Variants in LYZL2 observed in about 807,000 individuals in gnomAD.
LYZL2 encodes the protein lysozyme like 2, also known as lysozyme-like protein 2.
LYZL2 carries 13 observed loss-of-function variants against 17.1 expected under a neutral mutation model. The observed-to-expected ratio is 0.76, with a 90% confidence interval of 0.49 to 1.21. The LOEUF (loss-of-function observed/expected upper bound fraction) is 1.21. LYZL2 is among the 50% of genes most tolerant of loss of function. The pLI, the probability that LYZL2 is intolerant of heterozygous loss-of-function variation, is 0.00. For synonymous variants in LYZL2, 63 were observed against 74.4 expected (o/e 0.85, Z 0.79); for missense variants, 166 against 189.2 (o/e 0.88, Z 0.72).
chr10:30,609,480 A>T (rs1413568900), downstream of LYZL2, among the ~76,000 whole-genome samples: 4 of 152,216 alleles, frequency 2.6e-5, no homozygotes, highest in Admixed American at 2.6e-4. Flanking sequence ...AAAATTGCAG[A>T]CCAGACCAGA....
At chr10:30,611,613 A>G (rs544729236), downstream of LYZL2, among the ~76,000 whole-genome samples, 6 of 139,432 alleles carry the variant, frequency 4.3e-5, no homozygotes, top group Admixed American at 7.1e-5. Context: ...GAAAGAAAGA[A>G]AGAGAAAGAA....
In LYZL2 at chr10:30,627,955, C is replaced by A. The variant is rs981485751; in HGVS notation, c.-25-1015G>T. Among the ~76,000 whole-genome samples the A allele has an allele frequency of 2.0e-5, 3 of 152,198 alleles. No homozygotes were observed. The South Asian group carries it at 6.2e-4, about 31-fold the overall frequency. ...CGGGCGGATCACGAGGTCAGGAGAT[C>A]AAGACCATCCTGGCTAATGCGGTGA... is the stretch of plus-strand genomic sequence containing the variant. On this transcript the variant is annotated intron_variant, in intron 1 of 4. Coordinates refer to ENST00000647634, the MANE Select transcript of LYZL2 (RefSeq NM_183058.3).
chr10:30,618,023 C>T (rs1345980778), intron 3 of LYZL2, among the ~76,000 whole-genome samples: 1 of 151,696 alleles, frequency 6.6e-6, no homozygotes, highest in Non-Finnish European at 1.5e-5. Flanking sequence ...CATTCTTATA[C>T]ACCAATAACA....
At chr10:30,612,493 C>T (rs181154976) in intron 4 of LYZL2, among the ~76,000 whole-genome samples, 2 of 152,358 alleles carry the variant, frequency 1.3e-5, no homozygotes, top group Admixed American at 1.3e-4. Context: ...CTAGAGCAAA[C>T]TCAAGCTTTT....
chr10:30,606,297 T>C, the LYZL2 span, among the ~76,000 whole-genome samples: 2 of 151,722 alleles, frequency 1.3e-5, no homozygotes, highest in African/African-American at 4.8e-5. Flanking sequence ...CTGTTAGAAA[T>C]CACCTGGTAC....
At chr10:30,617,624 G>A (rs868821380) in intron 3 of LYZL2, among the ~76,000 whole-genome samples, 68 of 123,936 alleles carry the variant, frequency 5.5e-4, no homozygotes, top group Non-Finnish European at 8.4e-4. Flanking sequence ...GCAGTGAGCC[G>A]AGATCGTGCC....
In LYZL2 at chr10:30,621,616, G is replaced by A. The variant is rs1588676723; in HGVS notation, c.298+4489C>T. Among the ~76,000 whole-genome samples the A allele has an allele frequency of 2.0e-5, 3 of 151,966 alleles. No homozygotes were observed. The South Asian group carries it at 6.2e-4, about 32-fold the overall frequency. The stretch of plus-strand genomic sequence containing the variant: ...AACAACAACAATAACAACTTGAGGT[G>A]GAAAAGAACTGTCAGCCCAGAATTT... On this transcript the variant is annotated intron_variant, in intron 3 of 4. Coordinates refer to ENST00000647634, the MANE Select transcript of LYZL2 (RefSeq NM_183058.3).
In LYZL2 at chr10:30,626,147, C is replaced by G; in HGVS notation, c.256G>C (p.Gly86Arg). 1 of 1,614,220 alleles carries G rather than the reference C, an allele frequency of 6.2e-7. No individual in the cohort carries two copies. The highest frequency in any genetic ancestry group is 2.2e-5 in the East Asian group (1 of 44,890). Residue 86 changes from glycine (G) to arginine (R), a missense_variant, in exon 3 of 5, where the codon GGA (glycine) becomes CGA (arginine). Transcript: ENST00000647634. ...QINSFAWCRR[G>R]KLKENNHCHV... ...CAGTGGTTGTTCTCCTTCAGCTTTCCGCGTCTGCACCACGCGAAGCTGTTG... is the reference window on the plus strand; with the variant it reads ...CAGTGGTTGTTCTCCTTCAGCTTTCGGCGTCTGCACCACGCGAAGCTGTTG...
chr10:30,625,962 T>G, intron 3 of LYZL2, 143 bp downstream of exon 3: 2 of 1,284,270 alleles, frequency 1.6e-6, no homozygotes, highest in South Asian at 3.0e-5. Context: ...TTGGAAACTG[T>G]TGCATAATTT....
chr10:30,621,961 G>A (rs1838627877), intron 3 of LYZL2, among the ~76,000 whole-genome samples: 2 of 152,080 alleles, frequency 1.3e-5, no homozygotes, highest in African/African-American at 4.8e-5. Context: ...AAAAATGCAT[G>A]ACAATACAGC....
chr10:30,608,547 G>A (rs577492626), downstream of LYZL2, among the ~76,000 whole-genome samples: 9 of 152,248 alleles, frequency 5.9e-5, no homozygotes, highest in Admixed American at 5.2e-4. Context: ...AAGGAACTAG[G>A]ACACGTTCTG....
chr10:30,625,108 G>A (rs1838682557), intron 3 of LYZL2, among the ~76,000 whole-genome samples: 1 of 152,096 alleles, frequency 6.6e-6, no homozygotes, highest in Non-Finnish European at 1.5e-5. Flanking sequence ...TTCCTACAGA[G>A]CCTCCAGAAA....
Position 30,626,076 on chromosome 10 carries a change from A to T in LYZL2, c.298+29T>A, listed in dbSNP as rs1313060570. 3.1e-6 allele frequency: 5 copies of T among 1,604,502 alleles called. No individual in the cohort carries two copies. In the Admixed American group the frequency reaches 6.8e-5, roughly 22 times the overall value. On this transcript the variant is annotated intron_variant, in intron 3 of 4. Coordinates refer to ENST00000647634, the MANE Select transcript of LYZL2 (RefSeq NM_183058.3). ...TCGGCTTTCTCACCTGGTCCTGAGGATGGCATCACTGGAAAGTCAGAGCCT... is the reference window on the plus strand; with the variant it reads ...TCGGCTTTCTCACCTGGTCCTGAGGTTGGCATCACTGGAAAGTCAGAGCCT...
intron 3 of LYZL2, among the ~76,000 whole-genome samples, chr10:30,615,408 C>A (rs1001880167): frequency 7.2e-5 from 11 of 152,320 alleles, no homozygotes; most frequent in African/African-American, 2.6e-4. Flanking sequence ...AGGGTCCAAA[C>A]TTTCAGTTAT....
intron 1 of LYZL2, among the ~76,000 whole-genome samples, chr10:30,627,876 T>C (rs1357225669): frequency 1.3e-5 from 2 of 152,334 alleles, no homozygotes; most frequent in Non-Finnish European, 2.9e-5. Flanking sequence ...ATTCATCGTC[T>C]AGGCCAGGCG....
intron 3 of LYZL2, among the ~76,000 whole-genome samples, chr10:30,615,490 G>A (rs1471372027): frequency 1.3e-5 from 2 of 152,068 alleles, no homozygotes; most frequent in Admixed American, 6.6e-5. Context: ...CTGCTTACTT[G>A]AAATTTGCTG....
At chr10:30,620,659 C>G (rs985427783) in intron 3 of LYZL2, among the ~76,000 whole-genome samples, 2 of 152,006 alleles carry the variant, frequency 1.3e-5, no homozygotes, top group African/African-American at 2.4e-5. Flanking sequence ...AGAAAAAGAT[C>G]GGTCAAGGGC....
downstream of LYZL2, among the ~76,000 whole-genome samples, chr10:30,607,222 T>C (rs1465097421): frequency 1.3e-5 from 2 of 150,824 alleles, no homozygotes; most frequent in Non-Finnish European, 3.0e-5. Flanking sequence ...TATTTTCTTT[T>C]ATTTTTAGAG....
chr10:30,620,839 A>T (rs1361552122), intron 3 of LYZL2, among the ~76,000 whole-genome samples: 1 of 151,854 alleles, frequency 6.6e-6, no homozygotes, highest in Non-Finnish European at 1.5e-5. Flanking sequence ...AGAAACATCC[A>T]ATCAATAAGT....
Sources: gnomAD v4.1 joint callset for allele counts (sites outside exome capture counted in the v4.1 genomes callset) on GRCh38, gnomAD v4.1.1 for gene constraint, MANE v1.5 for transcripts, NCBI Gene and HGNC (gene_info 2026-07-23, HGNC 2026-07-21) for gene names.